NKAIN2: variants seen among roughly 807,000 people sequenced by gnomAD.
NKAIN2 encodes sodium/potassium-transporting ATPase subunit beta-1-interacting protein 2.
A neutral mutation model predicts 32.6 loss-of-function variants in NKAIN2; 14 were observed. That is an observed-to-expected ratio of 0.43 (90% confidence interval 0.28 to 0.67). The LOEUF is 0.67. Ranked by LOEUF, NKAIN2 falls within the 30% of genes least tolerant of loss-of-function variation. NKAIN2 has a pLI of 0.17. For synonymous variants in NKAIN2, 80 were observed against 87.2 expected (o/e 0.92, Z 0.46); for missense variants, 198 against 258.3 (o/e 0.77, Z 1.60).
At chr6:124,596,265 G>A (rs1271771125) in intron 3 of NKAIN2, among the ~76,000 whole-genome samples, 2 of 152,154 alleles carry the variant, frequency 1.3e-5, no homozygotes, top group African/African-American at 2.4e-5. Context: ...AGTGCTGGAG[G>A]TGGATGTGAG....
At chr6:124,122,846 A>G (rs1289631894) in intron 1 of NKAIN2, among the ~76,000 whole-genome samples, 1 of 152,084 alleles carries the variant, frequency 6.6e-6, no homozygotes, top group East Asian at 1.9e-4. Context: ...TCTGGTGTCT[A>G]CATTCATGTT....
At chr6:124,135,029 A>T (rs978228611) in intron 1 of NKAIN2, among the ~76,000 whole-genome samples, 1 of 152,180 alleles carries the variant, frequency 6.6e-6, no homozygotes, top group East Asian at 1.9e-4. Flanking sequence ...CAGTCAGCCA[A>T]GAATTTTGTA....
chr6:124,235,390 G>T (rs1179579467), intron 1 of NKAIN2, among the ~76,000 whole-genome samples: 1 of 151,986 alleles, frequency 6.6e-6, no homozygotes, highest in East Asian at 1.9e-4. Context: ...ATGCATTAAA[G>T]ACAACATCAC....
rs184375680 is a variant in NKAIN2 at position 123,969,292 on chromosome 6, C to T, written c.54+165038C>T. On this transcript the variant is annotated intron_variant, in intron 1 of 6. Coordinates refer to ENST00000368417, the MANE Select transcript of NKAIN2 (RefSeq NM_001040214.3). ...TGGTATGAAATGATGTGAGGTAAAACATATATTTTTATAAGGAATAAGGAT... is the reference window on the plus strand; with the variant it reads ...TGGTATGAAATGATGTGAGGTAAAATATATATTTTTATAAGGAATAAGGAT... 7.9e-3 allele frequency among the ~76,000 whole-genome samples: 1,200 copies of T among 152,048 alleles called. 9 individuals carry two copies. Among genetic ancestry groups the T allele is most frequent in the Middle Eastern group, 0.017 (5 of 294 alleles).
At chr6:124,604,843 G>A (rs1188313312) in intron 3 of NKAIN2, among the ~76,000 whole-genome samples, 4 of 151,926 alleles carry the variant, frequency 2.6e-5, no homozygotes, top group African/African-American at 9.7e-5. Flanking sequence ...ACCTGGCTTT[G>A]ACATTATTCC....
intron 2 of NKAIN2, among the ~76,000 whole-genome samples, chr6:124,317,192 C>G (rs374001970): frequency 6.6e-6 from 1 of 152,056 alleles, no homozygotes; most frequent in Non-Finnish European, 1.5e-5. Flanking sequence ...AGGAGTGTTT[C>G]CTACAACTAG....
At chr6:124,785,607 A>G (rs1779463414) in intron 4 of NKAIN2, among the ~76,000 whole-genome samples, 2 of 152,174 alleles carry the variant, frequency 1.3e-5, no homozygotes, top group Admixed American at 6.5e-5. Flanking sequence ...ATAGAAGTCC[A>G]GGGTTCCCAC....
intron 3 of NKAIN2, among the ~76,000 whole-genome samples, chr6:124,587,263 CTG>C (rs971574303): frequency 2.0e-5 from 3 of 151,838 alleles, no homozygotes; most frequent in Admixed American, 1.3e-4. Flanking sequence ...TGGAGTCTCG[CTG>C]TGTCTCCCAG....
At chr6:123,821,035 G>T (rs1308048232) in intron 1 of NKAIN2, among the ~76,000 whole-genome samples, 3 of 152,132 alleles carry the variant, frequency 2.0e-5, no homozygotes, top group East Asian at 3.9e-4. Flanking sequence ...AGCAGCTGAT[G>T]GTTTACACCG....
At chr6:124,807,146 A>G (rs1220336435) in intron 5 of NKAIN2, among the ~76,000 whole-genome samples, 1 of 152,088 alleles carries the variant, frequency 6.6e-6, no homozygotes, top group East Asian at 1.9e-4. Context: ...GACCTAATAG[A>G]CATCTACAGA....
intron 3 of NKAIN2, among the ~76,000 whole-genome samples, chr6:124,469,139 A>G (rs1178697347): frequency 6.6e-6 from 1 of 152,188 alleles, no homozygotes; most frequent in Non-Finnish European, 1.5e-5. Context: ...GGTGCTCTGA[A>G]TAACTTGATT....
At chr6:124,523,700 A>G (rs2114803224) in intron 3 of NKAIN2, among the ~76,000 whole-genome samples, 1 of 152,298 alleles carries the variant, frequency 6.6e-6, no homozygotes, top group East Asian at 1.9e-4. Flanking sequence ...TCCTCTCTTC[A>G]TGAAGCCTGG....
At chr6:123,992,882 C>T (rs1779471579) in intron 1 of NKAIN2, among the ~76,000 whole-genome samples, 1 of 152,164 alleles carries the variant, frequency 6.6e-6, no homozygotes, top group Non-Finnish European at 1.5e-5. Context: ...TTTTACCTGC[C>T]TCTAAAAATA....
chr6:124,553,179 G>T (rs1379877087), intron 3 of NKAIN2, among the ~76,000 whole-genome samples: 4 of 152,098 alleles, frequency 2.6e-5, no homozygotes, highest in African/African-American at 9.7e-5. Context: ...AATCGTTATT[G>T]GAATTCCTCA....
intron 1 of NKAIN2, among the ~76,000 whole-genome samples, chr6:124,093,758 A>C (rs1450093044): frequency 2.0e-5 from 3 of 152,084 alleles, no homozygotes; most frequent in Non-Finnish European, 4.4e-5. Flanking sequence ...TTACAAAACT[A>C]TCTAAGGGAG....
chr6:124,485,536 G>T (rs955941322), intron 3 of NKAIN2, among the ~76,000 whole-genome samples: 2 of 151,770 alleles, frequency 1.3e-5, no homozygotes, highest in Non-Finnish European at 2.9e-5. Context: ...AATAAAATAT[G>T]TTTTATTATA....
intron 1 of NKAIN2, among the ~76,000 whole-genome samples, chr6:124,158,849 T>C (rs1222544900): frequency 6.6e-6 from 1 of 152,172 alleles, no homozygotes; most frequent in African/African-American, 2.4e-5. Context: ...GCTTTTCTTA[T>C]AGTAAGTATC....
rs188603292 is a variant in NKAIN2 at position 124,509,435 on chromosome 6, T to C, written c.274-148751T>C. Among the ~76,000 whole-genome samples the C allele has an allele frequency of 4.5e-4, 68 of 152,334 alleles. No homozygotes were observed. The East Asian group carries it at 0.012, about 26-fold the overall frequency. ...CTCGGTTTTGTTCTTCTATCAGTAT[T>C]AGTAATAGACTGCCTTATTATAGGT... is the stretch of plus-strand genomic sequence containing the variant. On this transcript the variant is annotated intron_variant, in intron 3 of 6. Coordinates refer to ENST00000368417, the MANE Select transcript of NKAIN2 (RefSeq NM_001040214.3).
intron 1 of NKAIN2, among the ~76,000 whole-genome samples, chr6:124,225,511 C>A (rs1472041906): frequency 6.6e-6 from 1 of 151,860 alleles, no homozygotes; most frequent in Non-Finnish European, 1.5e-5. Context: ...GAATTGGTAA[C>A]TCCAGTCTGA....
Sources: gnomAD v4.1 joint callset for allele counts (sites outside exome capture counted in the v4.1 genomes callset) on GRCh38, gnomAD v4.1.1 for gene constraint, MANE v1.5 for transcripts, NCBI Gene and HGNC (gene_info 2026-07-23, HGNC 2026-07-21) for gene names.